PHKA2: variants seen among roughly 807,000 people sequenced by gnomAD.
PHKA2 encodes the protein phosphorylase b kinase regulatory subunit alpha, liver isoform.
A neutral mutation model predicts 102.0 loss-of-function variants in PHKA2; 31 were observed. The ratio of observed to expected loss-of-function variants is 0.30; its 90% confidence interval spans 0.23 to 0.41. The LOEUF (loss-of-function observed/expected upper bound fraction) is 0.41. Among genes scored for constraint, PHKA2 ranks in the 10% least tolerant of loss-of-function variants. The pLI is 1.00. For missense variants in PHKA2, 858 were observed against 1,023.1 expected (o/e 0.84, Z 2.20); for synonymous variants, 455 against 416.2 (o/e 1.09, Z -1.13).
chrX:18,954,230 G>T (rs753063609), intron 2 of PHKA2, 24 bp downstream of exon 2: 2 of 1,205,687 alleles, frequency 1.7e-6, no homozygotes, highest in South Asian at 3.5e-5. Flanking sequence ...GAGCAGCCGA[G>T]ATACAGCTGT....
Position 18,896,783 on chromosome X carries a change from C to T in PHKA2, c.3282+380G>A, listed in dbSNP as rs778460479. The T allele has an allele frequency of 2.3e-5, 6 of 258,668 alleles. No homozygotes were observed. In the East Asian group the frequency reaches 5.8e-4, roughly 25 times the overall value. The allele number at this position is 258,668 out of a possible 1,213,427, so 21.3% of individuals were successfully genotyped here. Reference sequence around the variant, plus strand: ...AGCCTTTCCCTGTTCTTCTATGTTCCTAAAATACGTCCAAGTTGGTCCCAC... The same window carrying T: ...AGCCTTTCCCTGTTCTTCTATGTTCTTAAAATACGTCCAAGTTGGTCCCAC... On this transcript the variant is annotated intron_variant, in intron 30 of 32. Transcript: ENST00000379942.
intron 17 of PHKA2, among the ~76,000 whole-genome samples, chrX:18,921,089 C>A (rs763348009): frequency 9.9e-5 from 11 of 111,168 alleles, no homozygotes; most frequent in African/African-American, 2.9e-4. Flanking sequence ...AGCACCCCCC[C>A]CAAGTGGATC....
intron 1 of PHKA2, among the ~76,000 whole-genome samples, chrX:18,974,924 T>G (rs2049065083): frequency 9.0e-6 from 1 of 110,985 alleles, no homozygotes; most frequent in Non-Finnish European, 1.9e-5. Context: ...TACCTCCCCC[T>G]CATAATCTGG....
At chrX:18,975,021 A>G (rs890178577) in intron 1 of PHKA2, among the ~76,000 whole-genome samples, 3 of 110,278 alleles carry the variant, frequency 2.7e-5, no homozygotes, top group African/African-American at 9.9e-5. Flanking sequence ...GTCTCGTCTC[A>G]GGGCCTTTTA....
chrX:18,905,368 G>T (rs1257308117), intron 26 of PHKA2, among the ~76,000 whole-genome samples: 2 of 111,366 alleles, frequency 1.8e-5, no homozygotes, highest in Non-Finnish European at 3.8e-5. Flanking sequence ...GTAGTGACGG[G>T]GTTTCACCAC....
At position 18,983,948 on chromosome X, in the gene PHKA2, A is replaced by G. The variant is rs1251811908; in HGVS notation, c.-16T>C. On this transcript the variant is annotated 5_prime_UTR_variant, in exon 1 of 33. Transcript: ENST00000379942. ...TGCTCCGCATCTCCCCGAGGCTCCC[A>G]GGCCGCAGCGCCCGATCTGCCGCGT... The G allele has an allele frequency of 1.7e-6, 2 of 1,196,451 alleles. No homozygotes were observed. The highest frequency in any genetic ancestry group is 5.9e-5 in the East Asian group (2 of 33,695).
At chrX:18,955,177 T>C (rs1354863969) in intron 1 of PHKA2, among the ~76,000 whole-genome samples, 1 of 112,466 alleles carries the variant, frequency 8.9e-6, no homozygotes, top group East Asian at 2.8e-4. Flanking sequence ...AAAGGAAGTA[T>C]GGATGCATGC....
intron 13 of PHKA2, among the ~76,000 whole-genome samples, chrX:18,928,676 G>A (rs1463250386): frequency 1.8e-5 from 2 of 112,617 alleles, no homozygotes; most frequent in Admixed American, 1.9e-4. Flanking sequence ...TGCAGCCTCA[G>A]TACATCTTAG....
At chrX:18,924,639 T>G in intron 15 of PHKA2, 114 bp from the exon 16 acceptor site, 1 of 720,434 alleles carries the variant, frequency 1.4e-6, no homozygotes, top group Non-Finnish European at 2.2e-6. Context: ...AGAGGCTCAG[T>G]ACTCGTTTCA....
rs1281632151 is a variant in PHKA2 at position 18,926,541 on chromosome X, T to C, written c.1371A>G (p.Lys457=). 3.3e-6 allele frequency: 4 copies of C among 1,205,733 alleles called. No homozygotes were observed. Among genetic ancestry groups the C allele is most frequent in the Non-Finnish European group, 4.5e-6 (4 of 889,693 alleles). The part of the protein sequence containing the change: ...ENNHIKDLLR[K]HGVNVQSIAD... ...CGATACTCTGGACGTTCACCCCGTGTTTCCTCAATAAGTCCTTAATGTGAT... is the reference window on the plus strand; with the variant it reads ...CGATACTCTGGACGTTCACCCCGTGCTTCCTCAATAAGTCCTTAATGTGAT... The change falls in exon 14 of 33, where the codon AAA becomes AAG. Residue 457 remains lysine (K), a synonymous_variant. Transcript: ENST00000379942.
At position 18,954,269 on chromosome X, in the gene PHKA2, G is replaced by T. The variant is rs756783644; in HGVS notation, c.222C>A (p.Ala74=). 1 of 1,211,607 alleles carries T rather than the reference G, an allele frequency of 8.3e-7. No homozygotes were observed. The highest frequency in any genetic ancestry group is 1.1e-6 in the Non-Finnish European group (1 of 895,247). ...TCACTATTACCTGCTCCAGCTCGTA[G>T]GCCTTGGCCTTGTCCTCATCGCGGT... is the stretch of plus-strand genomic sequence containing the variant. ...NADRDEDKAK[A]YELEQNVVKL... The change falls in exon 2 of 33, where the codon GCC becomes GCA. Residue 74 remains alanine, a synonymous_variant. Transcript: ENST00000379942.
chrX:18,974,053 C>T (rs914012780), intron 1 of PHKA2, among the ~76,000 whole-genome samples: 1 of 110,921 alleles, frequency 9.0e-6, no homozygotes, highest in Non-Finnish European at 1.9e-5. Context: ...CTGCTTCCCT[C>T]GTTTTGATGG....
intron 12 of PHKA2, among the ~76,000 whole-genome samples, chrX:18,929,977 G>A (rs1030333174): frequency 2.7e-5 from 3 of 112,471 alleles, no homozygotes; most frequent in African/African-American, 9.7e-5. Flanking sequence ...AGGAAAGAGC[G>A]CTGCACAGAA....
intron 13 of PHKA2, among the ~76,000 whole-genome samples, chrX:18,928,861 C>T (rs1435907773): frequency 8.9e-6 from 1 of 112,874 alleles, no homozygotes; most frequent in Non-Finnish European, 1.9e-5. Flanking sequence ...GGAAAGATGT[C>T]AGGACTCCAA....
rs1319435260 is a variant in PHKA2, at chrX:18,921,523, CTG to C, written c.1794-1324_1794-1323del. Among the ~76,000 whole-genome samples, 134 of 112,487 alleles carry C rather than the reference CTG, an allele frequency of 1.2e-3. 1 individual carries two copies. Among genetic ancestry groups the C allele is most frequent in the African/African-American group, 3.8e-3 (119 of 30,987 alleles). Reference sequence around the variant, plus strand: ...TCTTTGCAATATAATTTTTATAACACTGTGTTACATAGTTATAACTCCTATAT... The same window carrying C: ...TCTTTGCAATATAATTTTTATAACACTGTTACATAGTTATAACTCCTATAT... On this transcript the variant is annotated intron_variant, in intron 17 of 32. Transcript: ENST00000379942.
rs1298615783 is a variant in PHKA2 at position 18,909,099 on chromosome X, A to G, written c.2227-165T>C. On this transcript the variant is annotated intron_variant, in intron 20 of 32. Transcript: ENST00000379942. ...TATTTATAGGCTTTTACTATTTTTG[A>G]TCAGTGAATCACTGTGCTGGTCAAC... Among the ~76,000 whole-genome samples, 3 of 112,429 alleles carry G rather than the reference A, an allele frequency of 2.7e-5. No homozygotes were observed. In the Admixed American group the frequency reaches 2.8e-4, roughly 11 times the overall value.
rs1451487748 is a variant in PHKA2, at chrX:18,952,416, G to A, written c.285+78C>T. On this transcript the variant is annotated intron_variant, in intron 3 of 32. Transcript: ENST00000379942. ...CCTCTTGAGAAGAAAAGTACAAAAC[G>A]TCTTAAGCATGTTAACTGTCACAAT... 5.9e-6 allele frequency: 5 copies of A among 845,505 alleles called. No homozygotes were observed. The South Asian group carries it at 8.1e-5, about 14-fold the overall frequency. 69.7% of individuals were successfully genotyped at this position (845,505 alleles called of 1,213,427 possible). A position where few individuals can be genotyped will look rare whatever the true frequency, so the allele number is the denominator to read the frequency against.
intron 19 of PHKA2, chrX:18,915,591 T>A (rs1404559360): frequency 9.8e-6 from 1 of 102,211 alleles, no homozygotes; most frequent in East Asian, 3.2e-4. Flanking sequence ...TTGCCCAGGC[T>A]GGTCCAGAAT....
chrX:18,962,065 A>C (rs2048878657), intron 1 of PHKA2, among the ~76,000 whole-genome samples: 2 of 111,921 alleles, frequency 1.8e-5, no homozygotes, highest in African/African-American at 6.5e-5. Context: ...ATTCAACATT[A>C]TAATTTTGTA....
Sources: allele counts gnomAD v4.1 joint callset (sites outside exome capture counted in the v4.1 genomes callset), GRCh38; gene constraint gnomAD v4.1.1; transcripts MANE v1.5; gene names NCBI Gene and HGNC (gene_info 2026-07-23, HGNC 2026-07-21).